Variants in ZNF430 observed in about 807,000 individuals in gnomAD.
The protein encoded by ZNF430 is zinc finger protein 430.
ZNF430 carries 35 observed loss-of-function variants against 56.7 expected under a neutral mutation model. That is an observed-to-expected ratio of 0.62 (90% confidence interval 0.47 to 0.82). ZNF430 has a LOEUF of 0.82. ZNF430 is among the 40% of genes least tolerant of loss of function. ZNF430 has a pLI of 0.00. For synonymous variants in ZNF430, 212 were observed against 224.3 expected, an observed-to-expected ratio of 0.94 and a Z score of 0.49; for missense variants, 574 against 661.0, an observed-to-expected ratio of 0.87 and a Z score of 1.44.
chr19:21,025,161 A>G (rs1967768916), intron 2 of ZNF430, among the ~76,000 whole-genome samples: 1 of 152,238 alleles, frequency 6.6e-6, no homozygotes, highest in Non-Finnish European at 1.5e-5. Context: ...GGCTTACTCT[A>G]TAGGCAGAGC....
rs761691283 is a variant in ZNF430, at chr19:21,057,674, C to A, written c.1366C>A (p.Pro456Thr). The change falls in exon 5 of 5, where the codon CCC becomes ACC. Residue 456 changes from proline to threonine, a missense_variant. Transcript: ENST00000261560. ...AHKIIHTGEKPYKCEECGKAF... is the reference protein window; with the variant it reads ...AHKIIHTGEKTYKCEECGKAF... Reference sequence around the variant, plus strand: ...TAAGATAATTCATACTGGAGAGAAACCCTACAAATGTGAAGAATGTGGCAA... The same window carrying A: ...TAAGATAATTCATACTGGAGAGAAAACCTACAAATGTGAAGAATGTGGCAA... 2 of 1,611,070 alleles carry A rather than the reference C, an allele frequency of 1.2e-6. No individual in the cohort carries two copies. Among genetic ancestry groups the A allele is most frequent in the Non-Finnish European group, 1.7e-6 (2 of 1,179,022 alleles).
chr19:21,053,844 C>T (rs1232330583), intron 4 of ZNF430, among the ~76,000 whole-genome samples: 1 of 152,068 alleles, frequency 6.6e-6, no homozygotes, highest in African/African-American at 2.4e-5. Context: ...CTTTGTCTCT[C>T]ATTTTCTCTC....
intron 4 of ZNF430, among the ~76,000 whole-genome samples, chr19:21,039,147 A>G (rs1391992359): frequency 6.6e-6 from 1 of 151,784 alleles, no homozygotes; most frequent in Non-Finnish European, 1.5e-5. Flanking sequence ...ACGGGGCTTC[A>G]CATGTTGGCC....
intron 4 of ZNF430, among the ~76,000 whole-genome samples, chr19:21,054,800 G>A (rs1413089191): frequency 1.3e-5 from 2 of 149,064 alleles, no homozygotes; most frequent in Non-Finnish European, 3.0e-5. Flanking sequence ...TCAGCCTCCT[G>A]CGTAGCTGGG....
At chr19:21,045,548 T>G (rs975231840) in intron 4 of ZNF430, among the ~76,000 whole-genome samples, 1 of 152,194 alleles carries the variant, frequency 6.6e-6, no homozygotes, top group Non-Finnish European at 1.5e-5. Flanking sequence ...TATTGTGTTG[T>G]TTTTGGCTGG....
intron 1 of ZNF430, 47 bp downstream of exon 1, chr19:21,020,850 G>A (rs752461322): frequency 2.0e-5 from 32 of 1,612,890 alleles, no homozygotes; most frequent in African/African-American, 2.7e-5. Flanking sequence ...GGGGCTGGTT[G>A]TAATGGGTGG....
intron 2 of ZNF430, among the ~76,000 whole-genome samples, chr19:21,033,128 G>A (rs1310789691): frequency 6.6e-6 from 1 of 152,108 alleles, no homozygotes; most frequent in Non-Finnish European, 1.5e-5. Context: ...GCCAAGGCGG[G>A]TGGCTCACCT....
At chr19:21,048,357 G>A (rs1446176299) in intron 4 of ZNF430, among the ~76,000 whole-genome samples, 4 of 150,078 alleles carry the variant, frequency 2.7e-5, no homozygotes, top group Admixed American at 2.0e-4. Flanking sequence ...GTGTCCCTGG[G>A]TACTTGAGAT....
chr19:21,054,318 T>C (rs142741750), intron 4 of ZNF430, among the ~76,000 whole-genome samples: 1 of 152,290 alleles, frequency 6.6e-6, no homozygotes, highest in East Asian at 1.9e-4. Context: ...CATCTTTTTA[T>C]ATGTAGAGCA....
intron 2 of ZNF430, among the ~76,000 whole-genome samples, chr19:21,028,755 G>T (rs542389106): frequency 8.9e-4 from 136 of 152,054 alleles, no homozygotes; most frequent in Admixed American, 1.6e-3. Context: ...GCGCGATCTC[G>T]GCTCACTGCA....
At chr19:21,056,318 A>G (rs1329350946) in intron 4 of ZNF430, among the ~76,000 whole-genome samples, 1 of 151,986 alleles carries the variant, frequency 6.6e-6, no homozygotes, top group Non-Finnish European at 1.5e-5. Context: ...GCGAAACCCC[A>G]TCTCTACTAA....
chr19:21,033,453 C>T lies in ZNF430; in HGVS notation c.97-3C>T, dbSNP rs761691509. On this transcript the variant is annotated splice_region_variant and splice_polypyrimidine_tract_variant and intron_variant, in intron 2 of 4. Coordinates refer to ENST00000261560, the MANE Select transcript of ZNF430 (RefSeq NM_025189.4). ...GTGTGTCTTGTGTGCTTGTGTTTTT[C>T]AGGGGCCATTGACATTTAGGGATGT... 6.2e-7 allele frequency: 1 copy of T among 1,607,900 alleles called. No homozygotes were observed. Among genetic ancestry groups the T allele is most frequent in the Non-Finnish European group, 8.5e-7 (1 of 1,177,402 alleles).
rs560261191 is a variant in ZNF430, at chr19:21,045,141, C to T, written c.322+10957C>T. 1.6e-3 allele frequency among the ~76,000 whole-genome samples: 249 copies of T among 152,026 alleles called. 2 individuals are homozygous for T. Among genetic ancestry groups the T allele is most frequent in the African/African-American group, 5.7e-3 (236 of 41,458 alleles). ...CTTTGGGGTTTGTTTGCTCTTGATT[C>T]TCTTGTTCTTTTAATTGTAATGTTA... On this transcript the variant is annotated intron_variant, in intron 4 of 4. Transcript: ENST00000261560.
In ZNF430 at chr19:21,057,762, A is replaced by G. The variant is rs1236582560; in HGVS notation, c.1454A>G (p.Tyr485Cys). The G allele has an allele frequency of 1.9e-6, 3 of 1,613,872 alleles. No homozygotes were observed. Among genetic ancestry groups the G allele is most frequent in the Non-Finnish European group, 2.5e-6 (3 of 1,179,966 alleles). Reference sequence around the variant, plus strand: ...GTAATTCATTCTGGAGAGAAACCCTACAAATGTGAAGAATGTGGCAAAGCT... The same window carrying G: ...GTAATTCATTCTGGAGAGAAACCCTGCAAATGTGAAGAATGTGGCAAAGCT... ...HKVIHSGEKPYKCEECGKAFN... is the reference protein window; with the variant it reads ...HKVIHSGEKPCKCEECGKAFN... Residue 485 changes from tyrosine to cysteine, a missense_variant, in exon 5 of 5, where the codon TAC becomes TGC. Coordinates refer to ENST00000261560, the MANE Select transcript of ZNF430 (RefSeq NM_025189.4).
chr19:21,051,803 T>A (rs1968288781), intron 4 of ZNF430, among the ~76,000 whole-genome samples: 1 of 152,258 alleles, frequency 6.6e-6, no homozygotes, highest in South Asian at 2.1e-4. Context: ...AGTCCACTTT[T>A]TAGCCATTAT....
intron 4 of ZNF430, among the ~76,000 whole-genome samples, chr19:21,051,319 G>A (rs577429077): frequency 1.3e-5 from 2 of 152,220 alleles, no homozygotes; most frequent in East Asian, 3.9e-4. Flanking sequence ...TTAAGTCCTA[G>A]GTGATATTCC....
chr19:21,049,930 C>CT (rs796133254), intron 4 of ZNF430, among the ~76,000 whole-genome samples: 405 of 70,222 alleles, frequency 5.8e-3, no homozygotes, highest in East Asian at 0.015. Context: ...TTATTCTTCT[C>CT]TTTTTTTTTT....
At chr19:21,033,343 G>T in intron 2 of ZNF430, 113 bp from the exon 3 acceptor site, 1 of 1,386,744 alleles carries the variant, frequency 7.2e-7, no homozygotes. Flanking sequence ...AGTCATTCCT[G>T]CAAATCAGAA....
chr19:21,042,853 G>T (rs1424566681), intron 4 of ZNF430, among the ~76,000 whole-genome samples: 1 of 151,974 alleles, frequency 6.6e-6, no homozygotes, highest in Non-Finnish European at 1.5e-5. Context: ...ATGTAATTCT[G>T]GTTTTGATTT....
Sources: allele counts gnomAD v4.1 joint callset (sites outside exome capture counted in the v4.1 genomes callset), GRCh38; gene constraint gnomAD v4.1.1; transcripts MANE v1.5; gene names NCBI Gene and HGNC (gene_info 2026-07-23, HGNC 2026-07-21).